The following CSMD2 variants were observed in gnomAD, a reference collection of about 807,000 sequenced individuals.
CSMD2 encodes the protein CUB and sushi domain-containing protein 2.
Under a neutral mutation model 398.5 loss-of-function variants are expected in CSMD2, and 130 were observed. The observed-to-expected ratio is 0.33, with a 90% CI of 0.28 to 0.38. The LOEUF is 0.38. Ranked by LOEUF, CSMD2 falls within the 10% of genes least tolerant of loss-of-function variation. CSMD2 has a pLI of 1.00. For synonymous variants in CSMD2, 1,828 were observed against 1,908.5 expected, an observed-to-expected ratio of 0.96 and a Z score of 1.10; for missense variants, 3,829 against 4,764.9, an observed-to-expected ratio of 0.80 and a Z score of 5.78.
chr1:33,543,962 A>T (rs1447317249), intron 57 of CSMD2, among the ~76,000 whole-genome samples: 3 of 152,100 alleles, frequency 2.0e-5, no homozygotes, highest in Non-Finnish European at 4.4e-5. Flanking sequence ...ATCCATTGCC[A>T]TTATTATTCT....
At chr1:33,557,107 GA>G (rs2148650742) in intron 55 of CSMD2, among the ~76,000 whole-genome samples, 1 of 152,252 alleles carries the variant, frequency 6.6e-6, no homozygotes, top group Non-Finnish European at 1.5e-5. Context: ...ATTGTTTATT[GA>G]GTAGCTACTA....
intron 6 of CSMD2, among the ~76,000 whole-genome samples, 200 bp downstream of exon 6, chr1:33,846,684 G>C (rs1638266667): frequency 6.6e-6 from 1 of 152,206 alleles, no homozygotes; most frequent in Admixed American, 6.5e-5. Flanking sequence ...CATAATTTGG[G>C]AAACATCCCT....
intron 36 of CSMD2, 105 bp downstream of exon 36, chr1:33,623,265 T>C (rs1641889331): frequency 1.2e-6 from 1 of 813,288 alleles, no homozygotes; most frequent in Non-Finnish European, 2.0e-6. Flanking sequence ...GTGAATTTCA[T>C]GGAATATAAG....
At chr1:33,654,490 G>A (rs1027275813) in intron 27 of CSMD2, among the ~76,000 whole-genome samples, 45 of 152,282 alleles carry the variant, frequency 3.0e-4, no homozygotes, top group Middle Eastern at 3.4e-3. Context: ...GTTGTTGCAG[G>A]AGCTTCTGAG....
At chr1:34,000,966 AGAG>A (rs2148032163) in intron 3 of CSMD2, among the ~76,000 whole-genome samples, 1 of 150,558 alleles carries the variant, frequency 6.6e-6, no homozygotes, top group African/African-American at 2.4e-5. Flanking sequence ...GGGAGTAGAA[AGAG>A]GAGGAGGAAG....
chr1:33,520,809 G>A (rs1570602856), intron 68 of CSMD2, among the ~76,000 whole-genome samples: 1 of 152,092 alleles, frequency 6.6e-6, no homozygotes, highest in South Asian at 2.1e-4. Context: ...CAGAGAGGCT[G>A]TCACGCACCT....
At chr1:33,974,638 G>T (rs1430952954) in intron 3 of CSMD2, among the ~76,000 whole-genome samples, 1 of 152,184 alleles carries the variant, frequency 6.6e-6, no homozygotes, top group Non-Finnish European at 1.5e-5. Flanking sequence ...ATGGAACTGT[G>T]AGTGTCCCAA....
At position 33,614,512 on chromosome 1, in the gene CSMD2, A is replaced by C. The variant is rs1641255136; in HGVS notation, c.6125T>G (p.Val2042Gly). The C allele has an allele frequency of 5.6e-6, 9 of 1,595,518 alleles. No homozygotes were observed. The highest frequency in any genetic ancestry group is 6.9e-6 in the Non-Finnish European group (8 of 1,163,086). ...GGGCTGCAGAGACTTACCAAAGCCC[A>C]CGGGCAGTGCTATTTTCCAGGAGCA... is the stretch of plus-strand genomic sequence containing the variant. ...MDCSWKIALP[V>G]GFGAHIQFLN... The change falls in exon 40 of 71, where the codon GTG (valine) becomes GGG (glycine). Residue 2042 changes from valine to glycine, a missense_variant. Val to Gly is a moderately radical substitution (Grantham distance 109). Transcript: ENST00000373381.
chr1:33,831,371 A>G (rs561914054), intron 6 of CSMD2, among the ~76,000 whole-genome samples: 7 of 152,366 alleles, frequency 4.6e-5, no homozygotes, highest in African/African-American at 1.7e-4. Flanking sequence ...ATTCTTAAAG[A>G]AAAGAATTTT....
chr1:34,121,247 A>T (rs1662157089), intron 1 of CSMD2, among the ~76,000 whole-genome samples: 1 of 152,218 alleles, frequency 6.6e-6, no homozygotes, highest in South Asian at 2.1e-4. Context: ...AGGGAGGAAG[A>T]CATGTAACAG....
Position 33,542,756 on chromosome 1 carries a change from T to G in CSMD2, c.9241A>C (p.Asn3081His), listed in dbSNP as rs1483946829. Residue 3081 changes from asparagine (N) to histidine (H), a missense_variant, in exon 58 of 71, where the codon AAT (asparagine) becomes CAT (histidine). Asn to His is a moderately conservative substitution (Grantham distance 68, BLOSUM62 1). Coordinates refer to ENST00000373381, the MANE Select transcript of CSMD2 (RefSeq NM_001281956.2). ...GGGTCACTGCCTGTCCAGGTACCAT[T>G]GACCGAGCAGTGACGGCTGAGCAGG... ...TGLLSRHCSV[N>H]GTWTGSDPEC... 1.2e-6 allele frequency: 2 copies of G among 1,613,900 alleles called. No individual in the cohort carries two copies. Among genetic ancestry groups the G allele is most frequent in the Admixed American group, 1.7e-5 (1 of 59,992 alleles).
chr1:33,931,255 C>G (rs1042962148), intron 4 of CSMD2, among the ~76,000 whole-genome samples: 2 of 152,226 alleles, frequency 1.3e-5, no homozygotes, highest in Admixed American at 1.3e-4. Flanking sequence ...GGCCAAAAGG[C>G]TTTTAATGCT....
chr1:33,668,889 G>A (rs1644399504), intron 25 of CSMD2, among the ~76,000 whole-genome samples: 1 of 152,214 alleles, frequency 6.6e-6, no homozygotes, highest in Admixed American at 6.5e-5. Flanking sequence ...TGCCCTGGAG[G>A]AAACTTACTG....
intron 3 of CSMD2, among the ~76,000 whole-genome samples, chr1:33,936,507 CAAG>C (rs988779925): frequency 3.3e-5 from 5 of 152,188 alleles, no homozygotes; most frequent in African/African-American, 1.2e-4. Context: ...AGTGGGAAAA[CAAG>C]AACCCGGGTT....
At chr1:34,122,365 C>T (rs548224202) in intron 1 of CSMD2, among the ~76,000 whole-genome samples, 22 of 152,186 alleles carry the variant, frequency 1.4e-4, no homozygotes, top group African/African-American at 4.3e-4. Context: ...CTCCAGGCAC[C>T]GAGGTCCGGG....
chr1:33,866,269 C>T (rs981311423), intron 5 of CSMD2, among the ~76,000 whole-genome samples: 4 of 152,168 alleles, frequency 2.6e-5, no homozygotes, highest in Admixed American at 6.5e-5. Flanking sequence ...GCACATTACG[C>T]ACTACTGCTA....
At chr1:33,964,482 G>A (rs1645486434) in intron 3 of CSMD2, among the ~76,000 whole-genome samples, 1 of 152,184 alleles carries the variant, frequency 6.6e-6, no homozygotes, top group South Asian at 2.1e-4. Flanking sequence ...GAAGAAATAA[G>A]CAACTGGAAT....
chr1:33,594,251 G>T (rs1018224197), intron 44 of CSMD2, among the ~76,000 whole-genome samples: 1 of 152,134 alleles, frequency 6.6e-6, no homozygotes, highest in Non-Finnish European at 1.5e-5. Flanking sequence ...TTACAGCCCC[G>T]CTTGAGATAG....
intron 1 of CSMD2, among the ~76,000 whole-genome samples, chr1:34,118,191 A>T (rs908140805): frequency 4.6e-5 from 7 of 152,186 alleles, no homozygotes; most frequent in African/African-American, 1.7e-4. Flanking sequence ...ACTTTAGCCC[A>T]GTCGACAGAG....
Sources: allele counts gnomAD v4.1 joint callset (sites outside exome capture counted in the v4.1 genomes callset), GRCh38; gene constraint gnomAD v4.1.1; transcripts MANE v1.5; gene names NCBI Gene and HGNC (gene_info 2026-07-23, HGNC 2026-07-21).